ASNS: variants seen among roughly 807,000 people sequenced by gnomAD.
ASNS encodes the protein asparagine synthetase [glutamine-hydrolyzing].
In ASNS, 37 loss-of-function variants were observed where a neutral mutation model predicts 62.6. The ratio of observed to expected loss-of-function variants is 0.59; its 90% confidence interval spans 0.45 to 0.78. The LOEUF is 0.78. Ranked by LOEUF, ASNS falls within the 30% of genes least tolerant of loss-of-function variation. The pLI, the probability that ASNS is intolerant of heterozygous loss-of-function variation, is 0.00. For missense variants in ASNS, 520 were observed against 682.4 expected (o/e 0.76, Z 2.65); for synonymous variants, 207 against 237.9 (o/e 0.87, Z 1.19).
At chr7:97,890,645 G>A in the ASNS span, among the ~76,000 whole-genome samples, 68 of 152,242 alleles carry the variant, frequency 4.5e-4, no homozygotes, top group African/African-American at 1.5e-3. Context: ...GACTCAAAAG[G>A]CTGAGGCAGG....
the ASNS span, among the ~76,000 whole-genome samples, chr7:97,923,353 G>C: frequency 6.6e-6 from 1 of 152,046 alleles, no homozygotes; most frequent in Admixed American, 6.5e-5. Context: ...ACTTTGGGAA[G>C]CCAAGGTGGG....
chr7:97,868,664 G>A (rs1792095090), intron 3 of ASNS, among the ~76,000 whole-genome samples: 1 of 152,006 alleles, frequency 6.6e-6, no homozygotes, highest in Non-Finnish European at 1.5e-5. Context: ...GGGAGAAGGA[G>A]AAAAAATTCT....
the ASNS span, among the ~76,000 whole-genome samples, chr7:97,896,215 C>T: frequency 5.9e-5 from 9 of 151,938 alleles, no homozygotes; most frequent in African/African-American, 2.2e-4. Flanking sequence ...TCATATGGAA[C>T]CACAGAAGAC....
the ASNS span, among the ~76,000 whole-genome samples, chr7:97,896,711 T>TATACACACAC: frequency 2.3e-5 from 1 of 44,264 alleles, no homozygotes; most frequent in African/African-American, 6.0e-5. Flanking sequence ...TGTATATATA[T>TATACACACAC]ACACACACAC....
chr7:97,911,863 G>A, the ASNS span, among the ~76,000 whole-genome samples: 2 of 152,054 alleles, frequency 1.3e-5, no homozygotes, highest in Non-Finnish European at 2.9e-5. Flanking sequence ...AATGGAAGAT[G>A]AGTCATGCCT....
chr7:97,889,943 A>AAAAAAAAAAAAAAAAAAAAAAC, the ASNS span, among the ~76,000 whole-genome samples: 1 of 149,390 alleles, frequency 6.7e-6, no homozygotes. Context: ...AAAAAAAAAA[A>AAAAAAAAAAAAAAAAAAAAAAC]AAAAAAAACC....
the ASNS span, among the ~76,000 whole-genome samples, chr7:97,911,118 A>G: frequency 6.6e-6 from 1 of 152,228 alleles, no homozygotes; most frequent in Non-Finnish European, 1.5e-5. Context: ...GATCATATAA[A>G]AACTGCCCTC....
chr7:97,903,069 C>T, the ASNS span, among the ~76,000 whole-genome samples: 1 of 152,248 alleles, frequency 6.6e-6, no homozygotes, highest in Admixed American at 6.5e-5. Context: ...ACACATAGAA[C>T]AGAGAAATTG....
At chr7:97,861,495 ACT>A (rs1219341574) in intron 4 of ASNS, among the ~76,000 whole-genome samples, 4 of 151,826 alleles carry the variant, frequency 2.6e-5, no homozygotes, top group Non-Finnish European at 5.9e-5. Context: ...TTCATTTCTG[ACT>A]CTCAATTCTA....
the ASNS span, among the ~76,000 whole-genome samples, chr7:97,881,739 C>T: frequency 2.6e-5 from 4 of 152,254 alleles, no homozygotes; most frequent in South Asian, 2.1e-4. Flanking sequence ...CACTGACAAG[C>T]AATGGATACG....
chr7:97,858,254 C>T, intron 7 of ASNS, 24 bp downstream of exon 7: 1 of 1,611,310 alleles, frequency 6.2e-7, no homozygotes, highest in Non-Finnish European at 8.5e-7. Flanking sequence ...CTACACTACA[C>T]AAGGGACAGA....
At chr7:97,870,215 C>A in intron 1 of ASNS, 2 of 993,900 alleles carry the variant, frequency 2.0e-6, no homozygotes, top group Non-Finnish European at 2.8e-6. Context: ...CCTTTCTGTT[C>A]AGTGTCTGAG....
the ASNS span, among the ~76,000 whole-genome samples, chr7:97,923,560 C>A: frequency 1.3e-5 from 2 of 152,184 alleles, no homozygotes; most frequent in African/African-American, 4.8e-5. Context: ...CGTCTCCACT[C>A]TCATCCCAGG....
the ASNS span, among the ~76,000 whole-genome samples, chr7:97,925,195 A>T: frequency 6.6e-6 from 1 of 152,346 alleles, no homozygotes; most frequent in African/African-American, 2.4e-5. Context: ...CTGTCTTATT[A>T]TCTCAGTAAA....
At position 97,862,911 on chromosome 7, in the gene ASNS, C is replaced by G. The variant is rs577279457; in HGVS notation, c.487+1348G>C. The stretch of plus-strand genomic sequence containing the variant: ...GCATAAGATAAGATGCTGGACATCA[C>G]TGTCAACAGGAAAATACAAATCAAA... On this transcript the variant is annotated intron_variant, in intron 4 of 12. Transcript: ENST00000394308. Among the ~76,000 whole-genome samples the G allele has an allele frequency of 5.9e-5, 9 of 152,304 alleles. No individual in the cohort carries two copies. The South Asian group carries it at 1.2e-3, about 21-fold the overall frequency.
At chr7:97,907,462 G>A in the ASNS span, among the ~76,000 whole-genome samples, 1 of 152,018 alleles carries the variant, frequency 6.6e-6, no homozygotes, top group Non-Finnish European at 1.5e-5. Flanking sequence ...AGGGAAAGGG[G>A]GTTAGTACAA....
Position 97,868,944 on chromosome 7 carries a change from C to G in ASNS, c.213G>C (p.Trp71Cys), listed in dbSNP as rs1183100703. ...PIRVKKYPYL[W>C]LCYNGEIYNH... ...TGTAGATTTCACCATTGTAACAGAG[C>G]CACAAATACGGATATTTCTTCACTC... Residue 71 changes from tryptophan (W) to cysteine (C), a missense_variant, in exon 3 of 13, where the codon TGG (tryptophan) becomes TGC (cysteine). By Grantham distance (215) the Trp-to-Cys change is radical (BLOSUM62 -2). Transcript: ENST00000394308. The G allele has an allele frequency of 7.4e-6, 12 of 1,614,058 alleles. No individual in the cohort carries two copies. Among genetic ancestry groups the G allele is most frequent in the African/African-American group, 2.7e-5 (2 of 74,920 alleles).
intron 12 of ASNS, 35 bp downstream of exon 12, chr7:97,853,025 T>C: frequency 6.6e-7 from 1 of 1,515,214 alleles, no homozygotes; most frequent in Non-Finnish European, 8.8e-7. Flanking sequence ...ATCCAAACTG[T>C]CTTATTCCTG....
intron 7 of ASNS, among the ~76,000 whole-genome samples, chr7:97,857,634 A>C (rs1243491610): frequency 1.3e-5 from 2 of 150,736 alleles, no homozygotes; most frequent in Non-Finnish European, 2.9e-5. Flanking sequence ...AAAAAAAAAA[A>C]AAACGAACAA....
Sources: allele counts gnomAD v4.1 joint callset (sites outside exome capture counted in the v4.1 genomes callset), GRCh38; gene constraint gnomAD v4.1.1; transcripts MANE v1.5; gene names NCBI Gene and HGNC (gene_info 2026-07-23, HGNC 2026-07-21).